Variants in PTBP2 observed in about 807,000 individuals in gnomAD.
PTBP2 encodes polypyrimidine tract binding protein 2.
Under a neutral mutation model 61.4 loss-of-function variants are expected in PTBP2, and 13 were observed. That is an observed-to-expected ratio of 0.21 (90% CI 0.14 to 0.34). The LOEUF (loss-of-function observed/expected upper bound fraction) is 0.34. Ranked by LOEUF, PTBP2 falls within the 10% of genes least tolerant of loss-of-function variation. PTBP2 has a pLI of 1.00. For missense variants in PTBP2, 405 were observed against 642.6 expected, an observed-to-expected ratio of 0.63 and a Z score of 4.00; for synonymous variants, 215 against 218.5, an observed-to-expected ratio of 0.98 and a Z score of 0.14.
chr1:96,821,624 T>C (rs1409669446), exon 14 of PTBP2: 1 of 103,986 alleles, frequency 9.6e-6, no homozygotes, highest in East Asian at 2.0e-4. Context: ...CATTTGCTTT[T>C]ATTATTATTA....
chr1:96,734,880 C>G (rs1651935501), intron 2 of PTBP2, among the ~76,000 whole-genome samples: 1 of 146,974 alleles, frequency 6.8e-6, no homozygotes, highest in East Asian at 2.0e-4. Flanking sequence ...AGTCTGTGCT[C>G]AATAATTGTC....
At chr1:96,748,367 T>C (rs2100896205) in intron 2 of PTBP2, among the ~76,000 whole-genome samples, 1 of 152,296 alleles carries the variant, frequency 6.6e-6, no homozygotes, top group African/African-American at 2.4e-5. Flanking sequence ...ACCATGAGAA[T>C]AAAAAACAAG....
intron 8 of PTBP2, 94 bp downstream of exon 8, chr1:96,785,348 C>T (rs1444247982): frequency 2.0e-6 from 2 of 998,462 alleles, no homozygotes; most frequent in East Asian, 5.9e-5. Flanking sequence ...TGGACCTTAC[C>T]AAATTGTGTT....
intron 2 of PTBP2, among the ~76,000 whole-genome samples, chr1:96,733,807 A>G (rs1400361668): frequency 1.3e-5 from 2 of 152,234 alleles, no homozygotes; most frequent in African/African-American, 4.8e-5. Context: ...CACCCAAGAC[A>G]GAAAGACCAA....
chr1:96,783,363 A>AGTTTTT (rs906538448), intron 7 of PTBP2, among the ~76,000 whole-genome samples: 11 of 151,910 alleles, frequency 7.2e-5, no homozygotes, highest in African/African-American at 2.2e-4. Context: ...ACCTACATAA[A>AGTTTTT]GTTTTTGTTT....
chr1:96,727,804 G>A (rs1193686317), intron 2 of PTBP2, among the ~76,000 whole-genome samples: 2 of 152,054 alleles, frequency 1.3e-5, no homozygotes, highest in Non-Finnish European at 2.9e-5. Flanking sequence ...CATAAGGCCT[G>A]CAAATATTTT....
intron 3 of PTBP2, among the ~76,000 whole-genome samples, chr1:96,760,589 G>A (rs1485249537): frequency 6.6e-6 from 1 of 151,854 alleles, no homozygotes; most frequent in African/African-American, 2.4e-5. Flanking sequence ...GGAACTACAG[G>A]TGCACGCCAC....
intron 3 of PTBP2, among the ~76,000 whole-genome samples, chr1:96,760,989 A>T (rs903752206): frequency 6.6e-6 from 1 of 152,220 alleles, no homozygotes; most frequent in African/African-American, 2.4e-5. Flanking sequence ...TTAGTAGTAC[A>T]TGCGAAAACA....
At chr1:96,728,461 T>G (rs150726587) in intron 2 of PTBP2, among the ~76,000 whole-genome samples, 6 of 152,364 alleles carry the variant, frequency 3.9e-5, no homozygotes, top group Non-Finnish European at 4.4e-5. Flanking sequence ...CTCCATTCAC[T>G]TGGCTTTGCA....
rs142418809 is a variant in PTBP2 at position 96,782,687 on chromosome 1, A to G, written c.709-2372A>G. ...TGACTTGCCAAATATTAAAAAGTAG[A>G]TATTTAAAGAATTTGGAAGTTAAGG... On this transcript the variant is annotated intron_variant, in intron 7 of 13. Transcript: ENST00000674951. 1.2e-3 allele frequency among the ~76,000 whole-genome samples: 186 copies of G among 152,132 alleles called. No homozygotes were observed. The Middle Eastern group carries it at 0.014, about 11-fold the overall frequency.
chr1:96,736,997 T>TG (rs1026365555), intron 2 of PTBP2, among the ~76,000 whole-genome samples: 3 of 151,728 alleles, frequency 2.0e-5, no homozygotes, highest in African/African-American at 7.3e-5. Context: ...TCTTTTTTTT[T>TG]TAGACGGAGT....
At chr1:96,750,754 A>G (rs577657914) in intron 2 of PTBP2, among the ~76,000 whole-genome samples, 26 of 152,242 alleles carry the variant, frequency 1.7e-4, no homozygotes, top group African/African-American at 5.8e-4. Context: ...GCTAGTTTAA[A>G]TATTAGTCCA....
chr1:96,795,306 G>A (rs1660258984), intron 8 of PTBP2, among the ~76,000 whole-genome samples: 2 of 152,168 alleles, frequency 1.3e-5, no homozygotes, highest in African/African-American at 4.8e-5. Context: ...AGAATGCAAA[G>A]TAAGAAACAA....
intron 3 of PTBP2, among the ~76,000 whole-genome samples, chr1:96,759,179 G>C (rs1416892579): frequency 1.3e-5 from 2 of 152,098 alleles, no homozygotes; most frequent in African/African-American, 4.8e-5. Context: ...GAATTAGAAG[G>C]CTCAATATGT....
At chr1:96,746,021 G>A (rs938380406) in intron 2 of PTBP2, among the ~76,000 whole-genome samples, 12 of 151,086 alleles carry the variant, frequency 7.9e-5, no homozygotes, top group African/African-American at 2.4e-4. Flanking sequence ...AGCTGAGACC[G>A]CGCCATTACA....
At chr1:96,774,925 T>G (rs956916437) in intron 5 of PTBP2, among the ~76,000 whole-genome samples, 1 of 152,212 alleles carries the variant, frequency 6.6e-6, no homozygotes, top group African/African-American at 2.4e-5. Context: ...CTGGCATGTT[T>G]TCTCTTGATG....
intron 3 of PTBP2, among the ~76,000 whole-genome samples, 197 bp from the exon 4 acceptor site, chr1:96,769,506 A>G (rs942707488): frequency 2.4e-4 from 36 of 151,968 alleles, no homozygotes; most frequent in African/African-American, 8.0e-4. Context: ...ATAGTTGATA[A>G]TTTCATTTAA....
intron 2 of PTBP2, among the ~76,000 whole-genome samples, chr1:96,734,464 GTTT>G (rs949968855): frequency 6.9e-6 from 1 of 144,172 alleles, no homozygotes; most frequent in African/African-American, 2.5e-5. Context: ...TTTTTATAGG[GTTT>G]TTTTTTTTAG....
At chr1:96,734,891 T>C (rs1192344326) in intron 2 of PTBP2, among the ~76,000 whole-genome samples, 1 of 147,680 alleles carries the variant, frequency 6.8e-6, no homozygotes, top group Non-Finnish European at 1.5e-5. Flanking sequence ...AATAATTGTC[T>C]CCTTTTTTTT....
Sources: allele counts gnomAD v4.1 joint callset (sites outside exome capture counted in the v4.1 genomes callset), GRCh38; gene constraint gnomAD v4.1.1; transcripts MANE v1.5; gene names NCBI Gene and HGNC (gene_info 2026-07-23, HGNC 2026-07-21).